Variants in TEAD2 observed in about 807,000 individuals in gnomAD.
TEAD2 encodes transcriptional enhancer factor TEF-4.
TEAD2 carries 51 observed loss-of-function variants against 61.4 expected under a neutral mutation model. The ratio of observed to expected loss-of-function variants is 0.83; its 90% confidence interval spans 0.66 to 1.05. The LOEUF (loss-of-function observed/expected upper bound fraction) is 1.05. Among genes scored for constraint, TEAD2 ranks in the 50% least tolerant of loss-of-function variants. The probability of loss-of-function intolerance (pLI) is 0.00; values close to 1 mark genes in which losing one functional copy is unlikely to be tolerated. For missense variants in TEAD2, 509 were observed against 600.0 expected (o/e 0.85, Z 1.58); for synonymous variants, 244 against 243.2 (o/e 1.00, Z -0.03).
chr19:49,359,637 G>T lies in TEAD2; in HGVS notation c.233-138C>A. 8.9e-7 allele frequency: 1 copy of T among 1,124,796 alleles called. No individual in the cohort carries two copies. The highest frequency in any genetic ancestry group is 1.3e-6 in the Non-Finnish European group (1 of 761,816). 69.7% of individuals were successfully genotyped at this position (1,124,796 alleles called of 1,614,324 possible). ...GGGCTGCCGGTCCCCTCAGCTACGT[G>T]GAAGCCAGACTGCTTGGGTTCAAAT... On this transcript the variant is annotated intron_variant, in intron 2 of 12. Coordinates refer to ENST00000593945, the MANE Select transcript of TEAD2 (RefSeq NM_001256660.2). This position sits in a 1 kb window ranked among gnomAD's most constrained non-coding sequence, Gnocchi z 4.1.
At chr19:49,350,028 T>C (rs990586576) in intron 8 of TEAD2, among the ~76,000 whole-genome samples, 8 of 152,232 alleles carry the variant, frequency 5.3e-5, no homozygotes, top group African/African-American at 1.9e-4. Context: ...GGGTCTTCTG[T>C]TACTTGCAGC....
At position 49,359,621 on chromosome 19, in the gene TEAD2, G is replaced by T; in HGVS notation, c.233-122C>A. 8.3e-7 allele frequency: 1 copy of T among 1,210,288 alleles called. No individual in the cohort carries two copies. The allele number at this position is 1,210,288 out of a possible 1,614,324, so 75.0% of individuals were successfully genotyped here. The stretch of plus-strand genomic sequence containing the variant: ...AAGGTCTGCAGCAAGTGGGCTGCCG[G>T]TCCCCTCAGCTACGTGGAAGCCAGA... On this transcript the variant is annotated intron_variant, in intron 2 of 12. Coordinates refer to ENST00000593945, the MANE Select transcript of TEAD2 (RefSeq NM_001256660.2). The surrounding 1 kb of genome is among the most constrained non-coding windows in gnomAD (Gnocchi z 4.1).
rs780574546 is a variant in TEAD2 at position 49,357,286 on chromosome 19, C to T, written c.326G>A (p.Arg109Gln). 1.9e-6 allele frequency: 3 copies of T among 1,613,316 alleles called. No homozygotes were observed. Among genetic ancestry groups the T allele is most frequent in the Non-Finnish European group, 2.5e-6 (3 of 1,179,806 alleles). Residue 109 changes from arginine (R) to glutamine (Q), a missense_variant, in exon 4 of 13, where the codon CGA becomes CAA. By Grantham distance (43) the Arg-to-Gln change is conservative. Coordinates refer to ENST00000593945, the MANE Select transcript of TEAD2 (RefSeq NM_001256660.2). Reference protein sequence around the residue: ...QVSSHIQVLARRKSREIQSKL... With the variant: ...QVSSHIQVLAQRKSREIQSKL... Reference sequence around the variant, plus strand: ...GGACTGGATTTCCCTTGATTTCCTTCGGGCCAAAACCTGGATGTGACTAGA... The same window carrying T: ...GGACTGGATTTCCCTTGATTTCCTTTGGGCCAAAACCTGGATGTGACTAGA...
intron 7 of TEAD2, among the ~76,000 whole-genome samples, chr19:49,353,924 G>A (rs1228565962): frequency 6.6e-6 from 1 of 150,504 alleles, no homozygotes; most frequent in Non-Finnish European, 1.5e-5. Context: ...GGGACTACAG[G>A]TGCCTGCCAC....
At position 49,355,942 on chromosome 19, in the gene TEAD2, T is replaced by A. The variant is rs1424614154; in HGVS notation, c.372+17A>T. The A allele has an allele frequency of 6.4e-6, 8 of 1,257,966 alleles. No homozygotes were observed. The highest frequency in any genetic ancestry group is 8.0e-6 in the Non-Finnish European group (8 of 1,001,770). 77.9% of individuals were successfully genotyped at this position (1,257,966 alleles called of 1,614,324 possible). A position where few individuals can be genotyped will look rare whatever the true frequency, so the allele number is the denominator to read the frequency against. Reference sequence around the variant, plus strand: ...TTTGGAGTGAGCGTGGGTGGGAGGATGGGCAGAGGAACTTACCACGTTCAG... The same window carrying A: ...TTTGGAGTGAGCGTGGGTGGGAGGAAGGGCAGAGGAACTTACCACGTTCAG... On this transcript the variant is annotated intron_variant, in intron 5 of 12. Coordinates refer to ENST00000593945, the MANE Select transcript of TEAD2 (RefSeq NM_001256660.2).
At position 49,347,253 on chromosome 19, in the gene TEAD2, C is replaced by T; in HGVS notation, c.858G>A (p.Lys286=). Residue 286 remains lysine, a synonymous_variant, in exon 10 of 13, where the codon AAG becomes AAA. Coordinates refer to ENST00000593945, the MANE Select transcript of TEAD2 (RefSeq NM_001256660.2). ...GATCATATAGCTCTCGGAGGCCACC[C>T]TTTTTCTCAGGGAATTTGTCGTAGA... ...RQIYDKFPEK[K]GGLRELYDRG... 1 of 1,614,148 alleles carries T rather than the reference C, an allele frequency of 6.2e-7. No homozygotes were observed. The highest frequency in any genetic ancestry group is 8.5e-7 in the Non-Finnish European group (1 of 1,180,038).
chr19:49,343,466 G>T, intron 10 of TEAD2, 68 bp from the exon 11 acceptor site: 3 of 1,509,114 alleles, frequency 2.0e-6, no homozygotes, highest in Non-Finnish European at 2.6e-6. Flanking sequence ...ACTACCAGGC[G>T]CAGTGGTTCA....
chr19:49,351,193 A>G, intron 8 of TEAD2, 108 bp downstream of exon 8: 1 of 1,157,886 alleles, frequency 8.6e-7, no homozygotes, highest in Non-Finnish European at 1.2e-6. Context: ...AAAACAAAAT[A>G]AAACAAAAAA....
At position 49,355,158 on chromosome 19, in the gene TEAD2, T is replaced by C. The variant is rs1244881404; in HGVS notation, c.529A>G (p.Asn177Asp). 2 of 1,609,230 alleles carry C rather than the reference T, an allele frequency of 1.2e-6. No individual in the cohort carries two copies. Among genetic ancestry groups the C allele is most frequent in the Admixed American group, 1.7e-5 (1 of 59,418 alleles). ...FWSGGSGPPW[N>D]VPDVKPFSQT... ...ACACATAGTACTCACTCTGGAACAT[T>C]CCAGGGGGGCCCAGATCCTCCAGAC... Residue 177 changes from asparagine (N) to aspartate (D), a missense_variant, in exon 7 of 13, where the codon AAT (asparagine) becomes GAT (aspartate). Asn to Asp is a conservative substitution (Grantham distance 23, BLOSUM62 1). Transcript: ENST00000593945.
intron 10 of TEAD2, among the ~76,000 whole-genome samples, chr19:49,346,165 C>CAAAAAAAAAAAAAAAAAAA (rs10684078): frequency 6.8e-5 from 3 of 44,382 alleles, no homozygotes; most frequent in Admixed American, 5.1e-4. Context: ...AATTCCATCT[C>CAAAAAAAAAAAAAAAAAAA]AAAAAAAAAA....
At chr19:49,351,037 G>T (rs544788173) in intron 8 of TEAD2, among the ~76,000 whole-genome samples, 2 of 152,016 alleles carry the variant, frequency 1.3e-5, no homozygotes, top group Admixed American at 6.6e-5. Context: ...AAATTAGCCC[G>T]GCATGGTGGC....
chr19:49,358,525 G>A (rs1024978238), intron 3 of TEAD2, among the ~76,000 whole-genome samples: 6 of 152,216 alleles, frequency 3.9e-5, no homozygotes, highest in East Asian at 1.9e-4. Flanking sequence ...TACCCCCTCC[G>A]CCATGATTGG....
intron 5 of TEAD2, among the ~76,000 whole-genome samples, 197 bp downstream of exon 5, chr19:49,355,762 G>A (rs935567035): frequency 3.3e-5 from 5 of 152,054 alleles, no homozygotes; most frequent in African/African-American, 1.2e-4. Context: ...AGGAGGCAGA[G>A]GTTGCAGTGA....
chr19:49,357,359 C>G (rs1302226459), intron 3 of TEAD2, 45 bp from the exon 4 acceptor site: 1 of 1,598,698 alleles, frequency 6.3e-7, no homozygotes. Context: ...CAGCCACCGC[C>G]CCTGTGTTCA....
chr19:49,355,863 A>C, intron 5 of TEAD2, 96 bp downstream of exon 5: 1 of 1,122,914 alleles, frequency 8.9e-7, no homozygotes, highest in Non-Finnish European at 1.2e-6. Context: ...GGGTTGGGGG[A>C]GGGTTGAACC....
chr19:49,351,935 G>A (rs142493219), intron 7 of TEAD2, among the ~76,000 whole-genome samples: 201 of 151,898 alleles, frequency 1.3e-3, no homozygotes, highest in African/African-American at 4.4e-3. Context: ...GCAGTGAGCC[G>A]AGATTACGCC....
At chr19:49,349,189 C>T in intron 8 of TEAD2, 3 of 183,876 alleles carry the variant, frequency 1.6e-5, no homozygotes, top group Admixed American at 5.5e-5. Context: ...CCCAGCTGGG[C>T]ACGGTGGCTC....
At chr19:49,353,687 A>G (rs550187792) in intron 7 of TEAD2, among the ~76,000 whole-genome samples, 73 of 146,508 alleles carry the variant, frequency 5.0e-4, no homozygotes, top group African/African-American at 1.8e-3. Context: ...GCCCCCAGGT[A>G]CTTGATCTGA....
chr19:49,354,514 A>G (rs1421796719), intron 7 of TEAD2, among the ~76,000 whole-genome samples: 2 of 151,862 alleles, frequency 1.3e-5, no homozygotes, highest in African/African-American at 4.8e-5. Context: ...AAAAAAGAAA[A>G]AAAAAAAAAA....
Sources: gnomAD v4.1 joint callset for allele counts (sites outside exome capture counted in the v4.1 genomes callset) on GRCh38, gnomAD v4.1.1 for gene constraint, Gnocchi (gnomAD v3.1) non-coding constraint, MANE v1.5 for transcripts, NCBI Gene and HGNC (gene_info 2026-07-23, HGNC 2026-07-21) for gene names.